Variants in TRIP12 observed in about 807,000 individuals in gnomAD.
The protein encoded by TRIP12 is thyroid hormone receptor interactor 12.
TRIP12 carries 25 observed loss-of-function variants against 244.2 expected under a neutral mutation model. The observed-to-expected ratio is 0.10, with a 90% CI of 0.07 to 0.14. TRIP12 has a LOEUF of 0.14. TRIP12 is among the 10% of genes least tolerant of loss of function. The probability of loss-of-function intolerance (pLI) is 1.00; values close to 1 mark genes in which losing one functional copy is unlikely to be tolerated. For missense variants in TRIP12, 1,677 were observed against 2,486.4 expected (o/e 0.67, Z 6.92); for synonymous variants, 905 against 873.1 (o/e 1.04, Z -0.64).
At chr2:229,790,959 A>G (rs1484287793) in intron 30 of TRIP12, among the ~76,000 whole-genome samples, 165 bp downstream of exon 30, 1 of 152,220 alleles carries the variant, frequency 6.6e-6, no homozygotes, top group Non-Finnish European at 1.5e-5. Context: ...CATTTTCTAG[A>G]TATTAAAGTT....
chr2:229,906,262 T>G, intron 1 of TRIP12, among the ~76,000 whole-genome samples: 1 of 142,358 alleles, frequency 7.0e-6, no homozygotes, highest in South Asian at 2.2e-4. Context: ...CTTGAGATGG[T>G]GCCACTGCAC....
chr2:229,891,339 T>A (rs577315233), intron 1 of TRIP12, among the ~76,000 whole-genome samples: 1 of 152,178 alleles, frequency 6.6e-6, no homozygotes, highest in East Asian at 1.9e-4. Context: ...GTGGGAGGAC[T>A]GCTTGAGCCT....
In TRIP12 at chr2:229,859,086, G is replaced by T. The variant is rs763654046; in HGVS notation, c.713C>A (p.Ser238Tyr). 3.1e-6 allele frequency: 5 copies of T among 1,614,218 alleles called. No homozygotes were observed. The highest frequency in any genetic ancestry group is 4.2e-6 in the Non-Finnish European group (5 of 1,180,038). Residue 238 changes from serine to tyrosine, a missense_variant, in exon 4 of 42, where the codon TCT becomes TAT. Around this residue, in one of 11 missense-constraint regions of TRIP12, gnomAD observed 387 missense variants for 392.6 expected, o/e 0.99. Transcript: ENST00000675903. ...AKAGCSTITD[S>Y]SSAASTSSSS... ...GGAGGAAGTAGAGGCAGCAGAAGAA[G>T]AATCAGTGATGGTGCTACACCCAGC... is the stretch of plus-strand genomic sequence containing the variant.
At chr2:229,904,066 T>C (rs998721123) in intron 1 of TRIP12, among the ~76,000 whole-genome samples, 2 of 151,738 alleles carry the variant, frequency 1.3e-5, no homozygotes, top group African/African-American at 4.8e-5. Context: ...AATTAACTTT[T>C]TAAAAAAGCA....
At position 229,902,562 on chromosome 2, in the gene TRIP12, G is replaced by T. The variant is rs563477254; in HGVS notation, c.-50+19318C>A. ...ACTCAACTACTTTGAGAAGCTGCTA[G>T]ATCGTTACTGACAGTGCTAATAAAC... On this transcript the variant is annotated intron_variant, in intron 1 of 41. Coordinates refer to ENST00000675903, the MANE Select transcript of TRIP12 (RefSeq NM_001348323.3). 2.6e-5 allele frequency among the ~76,000 whole-genome samples: 4 copies of T among 152,268 alleles called. No individual in the cohort carries two copies. The South Asian group carries it at 8.3e-4, about 32-fold the overall frequency.
intron 1 of TRIP12, among the ~76,000 whole-genome samples, chr2:229,886,107 G>A (rs1036967075): frequency 1.1e-4 from 17 of 152,096 alleles, no homozygotes; most frequent in African/African-American, 2.9e-4. Context: ...CACTGGGACA[G>A]TTTATTATTT....
Position 229,802,283 on chromosome 2 carries a change from T to G in TRIP12, c.3175A>C (p.Arg1059=), listed in dbSNP as rs1197790405. The change falls in exon 21 of 42, where the codon AGG becomes CGG. Residue 1059 remains arginine (R), a synonymous_variant. Transcript: ENST00000675903. ...GGGCTGAGATCTAAAGAATCATCCC[T>G]GCTGTGCTGCAAGCTGGGTGATCCC... ...DLGSPSLQHS[R]DDSLDLSPQG... 5 of 1,611,642 alleles carry G rather than the reference T, an allele frequency of 3.1e-6. No homozygotes were observed. In the South Asian group the frequency reaches 5.5e-5, roughly 18 times the overall value.
upstream of TRIP12, chr2:229,922,619 A>G (rs1345415946): frequency 6.2e-7 from 1 of 1,613,714 alleles, no homozygotes; most frequent in Admixed American, 1.7e-5. Flanking sequence ...GGCAAGTGCG[A>G]GCCGCGGTTT....
At chr2:229,867,656 G>A (rs2061809945) in intron 2 of TRIP12, among the ~76,000 whole-genome samples, 1 of 152,150 alleles carries the variant, frequency 6.6e-6, no homozygotes, top group African/African-American at 2.4e-5. Context: ...AAGTGACACT[G>A]AACACTTTTA....
intron 1 of TRIP12, among the ~76,000 whole-genome samples, chr2:229,884,151 A>T (rs1419982297): frequency 6.6e-6 from 1 of 151,648 alleles, no homozygotes; most frequent in Admixed American, 6.6e-5. Context: ...TTATATTTAC[A>T]TTTAAAAATT....
At chr2:229,866,156 A>T (rs2154341962) in intron 2 of TRIP12, among the ~76,000 whole-genome samples, 1 of 152,360 alleles carries the variant, frequency 6.6e-6, no homozygotes, top group Middle Eastern at 3.4e-3. Flanking sequence ...TGTGGCAGTG[A>T]CATAGGTGAA....
chr2:229,808,150 TAG>T (rs1405181687), intron 16 of TRIP12, 100 bp downstream of exon 16: 4 of 888,744 alleles, frequency 4.5e-6, no homozygotes, highest in Admixed American at 4.4e-5. Flanking sequence ...GTATTTTTAG[TAG>T]AGACGGGTTT....
intron 2 of TRIP12, among the ~76,000 whole-genome samples, chr2:229,865,333 AAAAAAAAAAAG>A (rs753694550): frequency 1.6e-3 from 61 of 37,808 alleles, no homozygotes; most frequent in South Asian, 2.5e-3. Context: ...AAAAAAAAAA[AAAAAAAAAAAG>A]AAAGAAAGAA....
chr2:229,839,318 T>G (rs2055718714), intron 5 of TRIP12, among the ~76,000 whole-genome samples: 1 of 152,156 alleles, frequency 6.6e-6, no homozygotes, highest in African/African-American at 2.4e-5. Context: ...TTAAGTGTTC[T>G]CCATGATGTT....
Position 229,859,468 on chromosome 2 carries a change from A to G in TRIP12, c.331T>C (p.Ser111Pro). The change falls in exon 4 of 42, where the codon TCT becomes CCT. Residue 111 changes from serine (S) to proline (P), a missense_variant. Ser to Pro is a moderately conservative substitution (Grantham distance 74). Coordinates refer to ENST00000675903, the MANE Select transcript of TRIP12 (RefSeq NM_001348323.3). ...KTGQVPKKDN[S>P]RGVKRSASPD... ...CTAGCACTGCGCTTCACTCCTCGAG[A>G]ATTGTCTTTCTTAGGCACCTGCCCC... is the stretch of plus-strand genomic sequence containing the variant. 1 of 1,614,074 alleles carries G rather than the reference A, an allele frequency of 6.2e-7. No homozygotes were observed. Among genetic ancestry groups the G allele is most frequent in the South Asian group, 1.1e-5 (1 of 91,072 alleles).
intron 5 of TRIP12, among the ~76,000 whole-genome samples, chr2:229,840,320 T>C (rs1336823803): frequency 6.6e-6 from 1 of 152,164 alleles, no homozygotes; most frequent in Non-Finnish European, 1.5e-5. Context: ...AGTAGAAACA[T>C]GTAAATAAAT....
rs373250526 is a variant in TRIP12, at chr2:229,859,354, G to A, written c.445C>T (p.Pro149Ser). The A allele has an allele frequency of 5.0e-5, 81 of 1,614,068 alleles. No individual in the cohort carries two copies. The highest frequency in any genetic ancestry group is 6.5e-5 in the Non-Finnish European group (77 of 1,180,050). Residue 149 changes from proline to serine, a missense_variant, in exon 4 of 42, where the codon CCA becomes TCA. Around this residue, in one of 11 missense-constraint regions of TRIP12, gnomAD observed 387 missense variants for 392.6 expected, o/e 0.99. Coordinates refer to ENST00000675903, the MANE Select transcript of TRIP12 (RefSeq NM_001348323.3). ...TGTCTCTTCTTTGACTTACTATGTG[G>A]CTTATTTGTTTCTGAGGGAGATTCA... ...HTESPSETNK[P>S]HSKSKKRHLD...
chr2:229,920,957 TATAA>T (rs1269869625), intron 1 of TRIP12, among the ~76,000 whole-genome samples: 2 of 152,174 alleles, frequency 1.3e-5, no homozygotes, highest in Non-Finnish European at 2.9e-5. Context: ...GTAATCCACA[TATAA>T]ATAAATTAAT....
At chr2:229,909,316 T>C (rs2073763996) in intron 1 of TRIP12, among the ~76,000 whole-genome samples, 1 of 151,392 alleles carries the variant, frequency 6.6e-6, no homozygotes, top group African/African-American at 2.4e-5. Flanking sequence ...GAGGCCACAG[T>C]GGAAGGATCA....
Sources: allele counts gnomAD v4.1 joint callset (sites outside exome capture counted in the v4.1 genomes callset), GRCh38; gene constraint gnomAD v4.1.1; regional missense constraint gnomAD v4.1.1; transcripts MANE v1.5; gene names NCBI Gene and HGNC (gene_info 2026-07-23, HGNC 2026-07-21).